Variants in PEBP4 observed in about 807,000 individuals in gnomAD.
PEBP4 encodes the protein phosphatidylethanolamine binding protein 4, also known as phosphatidylethanolamine-binding protein 4.
A neutral mutation model predicts 23.9 loss-of-function variants in PEBP4; 22 were observed. The ratio of observed to expected loss-of-function variants is 0.92; its 90% CI spans 0.66 to 1.31. The LOEUF is 1.31. Among genes scored for constraint, PEBP4 ranks in the 40% most tolerant of loss-of-function variants. The pLI is 0.00. For synonymous variants in PEBP4, 112 were observed against 99.3 expected (o/e 1.13, Z -0.76); for missense variants, 324 against 281.7 (o/e 1.15, Z -1.07).
intron 3 of PEBP4, among the ~76,000 whole-genome samples, chr8:22,906,880 A>C (rs1224570109): frequency 1.3e-5 from 2 of 152,228 alleles, no homozygotes; most frequent in African/African-American, 4.8e-5. Flanking sequence ...TAAAATGAAC[A>C]AGCAAAAAAC....
rs189298662 is a variant in PEBP4 at position 22,791,119 on chromosome 8, C to T, written c.357+26518G>A. Among the ~76,000 whole-genome samples, 3 of 152,274 alleles carry T rather than the reference C, an allele frequency of 2.0e-5. No individual in the cohort carries two copies. The East Asian group carries it at 5.8e-4, about 29-fold the overall frequency. ...TGCCCTAAAGGGCTGCCTCTTCACGCAGGCAACCAACCTCCCCACCCCAGA... is the reference window on the plus strand; with the variant it reads ...TGCCCTAAAGGGCTGCCTCTTCACGTAGGCAACCAACCTCCCCACCCCAGA... On this transcript the variant is annotated intron_variant, in intron 4 of 6. Transcript: ENST00000256404.
intron 6 of PEBP4, among the ~76,000 whole-genome samples, chr8:22,714,135 C>A (rs1028835607): frequency 6.6e-6 from 1 of 152,222 alleles, no homozygotes; most frequent in African/African-American, 2.4e-5. Flanking sequence ...TGGACCCTGG[C>A]GGGGGAGCTG....
chr8:22,906,354 T>C (rs1295552048), intron 3 of PEBP4, among the ~76,000 whole-genome samples: 3 of 152,206 alleles, frequency 2.0e-5, no homozygotes, highest in East Asian at 3.9e-4. Flanking sequence ...GCCAAGTCAG[T>C]TCTGCAAGGG....
chr8:22,832,674 G>A (rs1257181194), intron 3 of PEBP4, among the ~76,000 whole-genome samples: 1 of 152,200 alleles, frequency 6.6e-6, no homozygotes, highest in Non-Finnish European at 1.5e-5. Flanking sequence ...GATGGAATGT[G>A]ATCAGATTTC....
At chr8:22,905,973 A>G (rs559148278) in intron 3 of PEBP4, among the ~76,000 whole-genome samples, 64 of 152,328 alleles carry the variant, frequency 4.2e-4, no homozygotes, top group South Asian at 1.9e-3. Flanking sequence ...AAGGAATCCA[A>G]TTCCAAACCT....
chr8:22,771,635 C>G (rs1280186894), intron 4 of PEBP4, among the ~76,000 whole-genome samples: 3 of 152,204 alleles, frequency 2.0e-5, no homozygotes, highest in Admixed American at 2.0e-4. Context: ...AGACTTGACT[C>G]CAGAGGCAGG....
At chr8:22,758,474 G>A (rs1470517078) in intron 4 of PEBP4, among the ~76,000 whole-genome samples, 1 of 152,190 alleles carries the variant, frequency 6.6e-6, no homozygotes, top group Non-Finnish European at 1.5e-5. Flanking sequence ...ACAAAAATAG[G>A]TTGATTTGGC....
chr8:22,861,885 G>C (rs866466293), intron 3 of PEBP4, among the ~76,000 whole-genome samples: 2 of 152,192 alleles, frequency 1.3e-5, no homozygotes, highest in African/African-American at 2.4e-5. Flanking sequence ...TTGCGCTTTA[G>C]CGATAAGATC....
intron 4 of PEBP4, among the ~76,000 whole-genome samples, chr8:22,771,364 C>T (rs1474275847): frequency 6.6e-6 from 1 of 152,146 alleles, no homozygotes; most frequent in Non-Finnish European, 1.5e-5. Flanking sequence ...TGGCGCATGC[C>T]TGTAGTCGCA....
At chr8:22,728,587 CCTT>C (rs2128749059) in intron 4 of PEBP4, among the ~76,000 whole-genome samples, 2 of 136,592 alleles carry the variant, frequency 1.5e-5, no homozygotes, top group African/African-American at 5.4e-5. Context: ...TTCCTTCCTT[CCTT>C]CCTTCCTTCC....
intron 3 of PEBP4, among the ~76,000 whole-genome samples, chr8:22,821,232 A>T (rs1274651090): frequency 6.6e-6 from 1 of 152,210 alleles, no homozygotes; most frequent in Admixed American, 6.5e-5. Context: ...ATGATGAGAC[A>T]TGAAGAGGAT....
intron 3 of PEBP4, among the ~76,000 whole-genome samples, chr8:22,821,330 C>G (rs192615094): frequency 6.6e-6 from 1 of 152,258 alleles, no homozygotes; most frequent in East Asian, 1.9e-4. Flanking sequence ...GATTTCCATT[C>G]AAATAGTAGT....
intron 3 of PEBP4, among the ~76,000 whole-genome samples, chr8:22,846,738 G>A (rs536387884): frequency 6.6e-6 from 1 of 152,304 alleles, no homozygotes; most frequent in South Asian, 2.1e-4. Flanking sequence ...TGGCCTCACA[G>A]TGGCCAACAC....
intron 3 of PEBP4, among the ~76,000 whole-genome samples, chr8:22,853,426 G>A (rs1342579547): frequency 6.6e-6 from 1 of 152,198 alleles, no homozygotes; most frequent in Non-Finnish European, 1.5e-5. Flanking sequence ...GGGCACTGGA[G>A]TTTACTGCAA....
At chr8:22,816,919 G>A (rs891696025) in intron 4 of PEBP4, among the ~76,000 whole-genome samples, 17 of 152,210 alleles carry the variant, frequency 1.1e-4, no homozygotes, top group African/African-American at 3.9e-4. Context: ...TACTAGACTA[G>A]TAAAAGCTCC....
chr8:22,860,168 G>GTATA lies in PEBP4; in HGVS notation c.259-42437_259-42434dup, dbSNP rs35419356. On this transcript the variant is annotated intron_variant, in intron 3 of 6. Coordinates refer to ENST00000256404, the MANE Select transcript of PEBP4 (RefSeq NM_144962.3). ...AAAAATTATATATACACATATATAT[G>GTATA]TATATATATATACACATATATATGT... is the stretch of plus-strand genomic sequence containing the variant. Among the ~76,000 whole-genome samples the GTATA allele has an allele frequency of 1.3e-3, 162 of 122,776 alleles. 2 individuals carry two copies. Among genetic ancestry groups the GTATA allele is most frequent in the South Asian group, 9.8e-3 (38 of 3,860 alleles). The allele number at this position is 122,776 out of a possible 152,430, so 80.5% of individuals were successfully genotyped here. A position where few individuals can be genotyped will look rare whatever the true frequency, so the allele number is the denominator to read the frequency against.
intron 4 of PEBP4, among the ~76,000 whole-genome samples, chr8:22,801,541 A>G (rs1335033278): frequency 6.6e-6 from 1 of 152,190 alleles, no homozygotes; most frequent in Admixed American, 6.5e-5. Context: ...GGTGAGGGGT[A>G]GCGTCAGGGA....
intron 2 of PEBP4, chr8:22,925,359 A>C (rs971619223): frequency 1.7e-5 from 17 of 978,918 alleles, no homozygotes; most frequent in African/African-American, 3.5e-5. Context: ...TGTCAGAAGC[A>C]GATAGGGAAA....
intron 4 of PEBP4, among the ~76,000 whole-genome samples, chr8:22,785,125 C>T (rs905333719): frequency 2.0e-5 from 3 of 152,188 alleles, no homozygotes; most frequent in East Asian, 1.9e-4. Context: ...GGCAGTGGGA[C>T]GACAGGGCAG....
Sources: gnomAD v4.1 joint callset for allele counts (sites outside exome capture counted in the v4.1 genomes callset) on GRCh38, gnomAD v4.1.1 for gene constraint, MANE v1.5 for transcripts, NCBI Gene and HGNC (gene_info 2026-07-23, HGNC 2026-07-21) for gene names.